CCDC50: variants seen among roughly 807,000 people sequenced by gnomAD.
CCDC50 encodes coiled-coil domain-containing protein 50.
In CCDC50, 54 loss-of-function variants were observed where a neutral mutation model predicts 70.2. That is an observed-to-expected ratio of 0.77 (90% CI 0.62 to 0.96). CCDC50 has a LOEUF of 0.96. Among genes scored for constraint, CCDC50 ranks in the 50% least tolerant of loss-of-function variants. The probability of loss-of-function intolerance (pLI) is 0.00; values close to 1 mark genes in which losing one functional copy is unlikely to be tolerated. For synonymous variants in CCDC50, 216 were observed against 198.8 expected, an observed-to-expected ratio of 1.09 and a Z score of -0.73; for missense variants, 558 against 578.7, an observed-to-expected ratio of 0.96 and a Z score of 0.37.
At chr3:191,339,668 C>G (rs375627725) in intron 1 of CCDC50, among the ~76,000 whole-genome samples, 3 of 152,164 alleles carry the variant, frequency 2.0e-5, no homozygotes, top group Non-Finnish European at 4.4e-5. Context: ...TTGACTTTCC[C>G]AGGCTGTACT....
chr3:191,383,461 CATG>C (rs2108671747), intron 10 of CCDC50, among the ~76,000 whole-genome samples: 1 of 151,416 alleles, frequency 6.6e-6, no homozygotes, highest in Non-Finnish European at 1.5e-5. Context: ...CGAAAGAAAA[CATG>C]ATTGGAATGT....
At chr3:191,370,081 C>T in intron 5 of CCDC50, 45 bp downstream of exon 5, 3 of 1,310,522 alleles carry the variant, frequency 2.3e-6, no homozygotes, top group Non-Finnish European at 3.3e-6. Context: ...TAGACTCAAC[C>T]ATAAAACACT....
intron 11 of CCDC50, 145 bp downstream of exon 11, chr3:191,389,747 T>A: frequency 3.0e-6 from 2 of 671,802 alleles, no homozygotes; most frequent in Non-Finnish European, 5.3e-6. Context: ...TCCTCATTTA[T>A]TAAAACAGTA....
intron 4 of CCDC50, among the ~76,000 whole-genome samples, chr3:191,366,119 C>T (rs953098544): frequency 6.6e-6 from 1 of 152,054 alleles, no homozygotes; most frequent in Non-Finnish European, 1.5e-5. Context: ...TATATTAATG[C>T]TTCTCATAGA....
chr3:191,389,567 C>G lies in CCDC50; in HGVS notation c.1394C>G (p.Thr465Arg). 2 of 1,613,916 alleles carry G rather than the reference C, an allele frequency of 1.2e-6. No homozygotes were observed. Among genetic ancestry groups the G allele is most frequent in the Non-Finnish European group, 1.7e-6 (2 of 1,179,806 alleles). Residue 465 changes from threonine (T) to arginine (R), a missense_variant, in exon 11 of 12, where the codon ACA (threonine) becomes AGA (arginine). Thr to Arg is a moderately conservative substitution (Grantham distance 71). Coordinates refer to ENST00000392455, the MANE Select transcript of CCDC50 (RefSeq NM_178335.3). ...YTHFTNQQSS[T>R]RHFSKSESSH... is the part of the protein sequence containing the mutation. ...CATTTTACAAACCAGCAGAGTTCCA[C>G]ACGGCATTTCTCAAAATCAGAGTCC...
rs529267499 is a variant in CCDC50, at chr3:191,339,518, A to G, written c.49+9795A>G. ...TCATTTCCTCTGCAGAGGGTATTAC[A>G]TGATAACCAAGCAAACTGTAGGTTG... On this transcript the variant is annotated intron_variant, in intron 1 of 11. Transcript: ENST00000392455. 1.1e-4 allele frequency among the ~76,000 whole-genome samples: 16 copies of G among 152,318 alleles called. No homozygotes were observed. The South Asian group carries it at 3.3e-3, about 32-fold the overall frequency.
At position 191,379,297 on chromosome 3, in the gene CCDC50, C is replaced by T. The variant is rs146679335; in HGVS notation, c.977-862C>T. On this transcript the variant is annotated intron_variant, in intron 6 of 11. Transcript: ENST00000392455. ...CCCTCATGTGATTCGAATATATAGC[C>T]CTGATTGACAACCCCTGGCATAAAG... Among the ~76,000 whole-genome samples the T allele has an allele frequency of 5.9e-5, 9 of 152,000 alleles. 1 individual carries two copies. Among genetic ancestry groups the T allele is most frequent in the East Asian group, 1.9e-4 (1 of 5,174 alleles).
At chr3:191,372,690 A>C (rs1457091717) in intron 5 of CCDC50, among the ~76,000 whole-genome samples, 1 of 152,158 alleles carries the variant, frequency 6.6e-6, no homozygotes, top group African/African-American at 2.4e-5. Context: ...CAAATTTGAA[A>C]TTGTATAAAA....
At chr3:191,348,160 C>G (rs4247189) in intron 1 of CCDC50, among the ~76,000 whole-genome samples, 10,357 of 141,668 alleles carry the variant, frequency 0.073, 1,996 homozygotes, top group East Asian at 0.24. Context: ...ACATAGGTGA[C>G]ATTTGAATGG....
At chr3:191,370,057 A>G (rs1712845145) in intron 5 of CCDC50, 21 bp downstream of exon 5, 1 of 1,475,258 alleles carries the variant, frequency 6.8e-7, no homozygotes, top group Non-Finnish European at 9.5e-7. Flanking sequence ...CTGCATCATG[A>G]TCTATTCTAT....
Position 191,389,663 on chromosome 3 carries a change from T to C in CCDC50, c.1429+61T>C, listed in dbSNP as rs1319482811. On this transcript the variant is annotated intron_variant, in intron 11 of 11. Transcript: ENST00000392455. ...CTTTTTTTATATAAGCCTCGTGTTG[T>C]AGTGGAAAAATCAAATTCTGTGTTC... The C allele has an allele frequency of 2.3e-6, 3 of 1,280,508 alleles. No individual in the cohort carries two copies. In the East Asian group the frequency reaches 6.9e-5, roughly 30 times the overall value. The allele number at this position is 1,280,508 out of a possible 1,614,324, so 79.3% of individuals were successfully genotyped here. A position where few individuals can be genotyped will look rare whatever the true frequency, so the allele number is the denominator to read the frequency against.
At position 191,375,563 on chromosome 3, in the gene CCDC50, A is replaced by G; in HGVS notation, c.950A>G (p.Glu317Gly). 2 of 1,613,336 alleles carry G rather than the reference A, an allele frequency of 1.2e-6. No homozygotes were observed. The highest frequency in any genetic ancestry group is 1.7e-6 in the Non-Finnish European group (2 of 1,179,678). The stretch of plus-strand genomic sequence containing the variant: ...AGGACTCCTCCATTCTCAGAGAGTG[A>G]GGAGCAGCTCCACCTCCATGACGCA... ...RPRTPPFSES[E>G]EQLHLHDAGM... is the part of the protein sequence containing the mutation. Residue 317 changes from glutamate (E) to glycine (G), a missense_variant, in exon 6 of 12, where the codon GAG becomes GGG. Physicochemically the swap from Glu to Gly is moderately conservative, Grantham distance 98. Coordinates refer to ENST00000392455, the MANE Select transcript of CCDC50 (RefSeq NM_178335.3).
rs1713792275 is a variant in CCDC50, at chr3:191,394,264, AAAT to A, written c.*2509_*2511del. On this transcript the variant is annotated 3_prime_UTR_variant, in exon 12 of 12. Coordinates refer to ENST00000392455, the MANE Select transcript of CCDC50 (RefSeq NM_178335.3). ...TTTTTGTGTAAAGCAAACACTTTTAAAATAATATCAGAGTAATTATTACCCTAT... is the reference window on the plus strand; with the variant it reads ...TTTTTGTGTAAAGCAAACACTTTTAAAATATCAGAGTAATTATTACCCTAT... The A allele has an allele frequency of 6.6e-6, 1 of 152,112 alleles. No individual in the cohort carries two copies. Among genetic ancestry groups the A allele is most frequent in the South Asian group, 2.1e-4 (1 of 4,830 alleles). 9.4% of individuals were successfully genotyped at this position (152,112 alleles called of 1,614,324 possible).
intron 1 of CCDC50, among the ~76,000 whole-genome samples, chr3:191,344,093 A>G (rs1711825891): frequency 6.6e-6 from 1 of 152,250 alleles, no homozygotes. Flanking sequence ...AATATACTCA[A>G]GACCCTTGGA....
At chr3:191,357,256 T>A in intron 2 of CCDC50, 106 bp downstream of exon 2, 1 of 842,120 alleles carries the variant, frequency 1.2e-6, no homozygotes. Context: ...TCACTTGGCT[T>A]CACCATCCAT....
rs1713805227 is a variant in CCDC50, at chr3:191,394,658, A to G, written c.*2898A>G. The G allele has an allele frequency of 6.6e-6, 1 of 152,294 alleles. No individual in the cohort carries two copies. Among genetic ancestry groups the G allele is most frequent in the South Asian group, 2.1e-4 (1 of 4,826 alleles). 9.4% of individuals were successfully genotyped at this position (152,294 alleles called of 1,614,324 possible). A position where few individuals can be genotyped will look rare whatever the true frequency, so the allele number is the denominator to read the frequency against. On this transcript the variant is annotated 3_prime_UTR_variant, in exon 12 of 12. Transcript: ENST00000392455. ...ACACCAGTATTGTTGAATAAGCACA[A>G]TATATGACGGAGCCTTATCATAAGG...
intron 1 of CCDC50, among the ~76,000 whole-genome samples, chr3:191,336,985 G>A (rs1711539964): frequency 6.6e-6 from 1 of 152,282 alleles, no homozygotes; most frequent in South Asian, 2.1e-4. Flanking sequence ...GTTTTGTGAT[G>A]TGAAAATTGT....
chr3:191,360,169 A>G (rs2108650608), intron 3 of CCDC50, among the ~76,000 whole-genome samples: 1 of 152,340 alleles, frequency 6.6e-6, no homozygotes, highest in African/African-American at 2.4e-5. Context: ...GTAAGTCAGG[A>G]TTACCGCTTG....
At chr3:191,390,408 G>C (rs1713651080) in intron 11 of CCDC50, among the ~76,000 whole-genome samples, 1 of 5,702 alleles carries the variant, frequency 1.8e-4, no homozygotes, top group Non-Finnish European at 5.8e-4. Flanking sequence ...CAAGAAGAAG[G>C]TTCGAATAAA....
Sources: allele counts gnomAD v4.1 joint callset (sites outside exome capture counted in the v4.1 genomes callset), GRCh38; gene constraint gnomAD v4.1.1; transcripts MANE v1.5; gene names NCBI Gene and HGNC (gene_info 2026-07-23, HGNC 2026-07-21).